RBPJ: variants seen among roughly 807,000 people sequenced by gnomAD.
RBPJ encodes recombination signal binding protein for immunoglobulin kappa J region.
A neutral mutation model predicts 67.8 loss-of-function variants in RBPJ; 9 were observed. The observed-to-expected ratio is 0.13, with a 90% CI of 0.08 to 0.23. The LOEUF (loss-of-function observed/expected upper bound fraction) is 0.23. Ranked by LOEUF, RBPJ falls within the 10% of genes least tolerant of loss-of-function variation. The probability of loss-of-function intolerance (pLI) is 1.00; values close to 1 mark genes in which losing one functional copy is unlikely to be tolerated. For missense variants in RBPJ, 305 were observed against 595.6 expected (o/e 0.51, Z 5.08); for synonymous variants, 198 against 203.3 (o/e 0.97, Z 0.22).
chr4:26,205,511 G>A (rs1718138653), intron 1 of RBPJ, among the ~76,000 whole-genome samples: 1 of 152,190 alleles, frequency 6.6e-6, no homozygotes, highest in Non-Finnish European at 1.5e-5. Context: ...GGCATGGCAT[G>A]AGCCTGTAAT....
chr4:26,239,259 C>G (rs1440626535), intron 1 of RBPJ, among the ~76,000 whole-genome samples: 1 of 152,152 alleles, frequency 6.6e-6, no homozygotes, highest in Non-Finnish European at 1.5e-5. Flanking sequence ...TTCATATTTT[C>G]CAGATCACTC....
chr4:26,203,192 C>A (rs1718049896), intron 1 of RBPJ, among the ~76,000 whole-genome samples: 1 of 152,114 alleles, frequency 6.6e-6, no homozygotes, highest in Non-Finnish European at 1.5e-5. Flanking sequence ...CATTTTAAAT[C>A]AAAAATCAAA....
At chr4:26,208,154 G>C (rs1718236443) in intron 1 of RBPJ, among the ~76,000 whole-genome samples, 1 of 152,190 alleles carries the variant, frequency 6.6e-6, no homozygotes, top group Non-Finnish European at 1.5e-5. Flanking sequence ...TACGTGCTTG[G>C]TGCTACTCTA....
chr4:26,380,341 T>C (rs1185383136), intron 1 of RBPJ, among the ~76,000 whole-genome samples: 1 of 152,202 alleles, frequency 6.6e-6, no homozygotes, highest in Non-Finnish European at 1.5e-5. Context: ...AGGAGATAGA[T>C]TTGTGTGTCT....
chr4:26,263,876 T>TG lies in RBPJ; in HGVS notation c.-166-98570_-166-98569insG, dbSNP rs201695485. 3.9e-3 allele frequency among the ~76,000 whole-genome samples: 582 copies of TG among 149,620 alleles called. 7 individuals carry two copies. The highest frequency in any genetic ancestry group is 0.014 in the African/African-American group (559 of 39,676). Reference sequence around the variant, plus strand: ...TGAGCCACAGCACCCAGTCTTTTTTTTTTTTGTTTTTGTTTTGAGATAGAG... The same window carrying TG: ...TGAGCCACAGCACCCAGTCTTTTTTTGTTTTTGTTTTTGTTTTGAGATAGAG... On this transcript the variant is annotated intron_variant, in intron 1 of 4. Transcript: ENST00000512351.
intron 1 of RBPJ, among the ~76,000 whole-genome samples, chr4:26,167,654 G>A (rs12641992): frequency 0.52 from 65,836 of 127,038 alleles, 17,209 homozygotes; most frequent in East Asian, 0.63. Context: ...CAATCATGTC[G>A]TCTGCAAACA....
intron 2 of RBPJ, among the ~76,000 whole-genome samples, chr4:26,399,879 A>G (rs559957676): frequency 1.3e-5 from 2 of 152,066 alleles, no homozygotes; most frequent in Admixed American, 1.3e-4. Context: ...GGGTTTCACT[A>G]TGTTGGCCAG....
intron 7 of RBPJ, among the ~76,000 whole-genome samples, chr4:26,426,298 C>T (rs1206167459): frequency 6.6e-6 from 1 of 152,158 alleles, no homozygotes; most frequent in African/African-American, 2.4e-5. Flanking sequence ...GTTTATAATA[C>T]AAACCACTTA....
At chr4:26,114,705 A>T in the RBPJ span, among the ~76,000 whole-genome samples, 2 of 152,020 alleles carry the variant, frequency 1.3e-5, no homozygotes, top group African/African-American at 4.8e-5. Context: ...TGATATAATT[A>T]TATGTGTGTA....
rs1318976406 is a variant in RBPJ, at chr4:26,410,148, A to G, written c.155+3878A>G. The G allele has an allele frequency of 7.3e-6, 3 of 409,170 alleles. No individual in the cohort carries two copies. In the East Asian group the frequency reaches 2.3e-4, roughly 31 times the overall value. The allele number at this position is 409,170 out of a possible 1,614,324, so 25.3% of individuals were successfully genotyped here. On this transcript the variant is annotated intron_variant, in intron 3 of 10. Coordinates refer to ENST00000355476, the MANE Select transcript of RBPJ (RefSeq NM_015874.6). ...GGGCTCTTACTTGGTGGTGGAGTGC[A>G]CAGTGGGAAGAGGATCTGTCTTCTT...
chr4:26,182,322 A>G (rs1412428604), intron 1 of RBPJ, among the ~76,000 whole-genome samples: 1 of 152,100 alleles, frequency 6.6e-6, no homozygotes, highest in Non-Finnish European at 1.5e-5. Flanking sequence ...AGCCTGGGCA[A>G]AAGAGCAAGA....
At chr4:26,166,990 T>C (rs1716337523) in intron 1 of RBPJ, among the ~76,000 whole-genome samples, 2 of 152,238 alleles carry the variant, frequency 1.3e-5, no homozygotes, top group African/African-American at 4.8e-5. Context: ...CCCCATTGCT[T>C]GTTTTTCTCA....
the RBPJ span, among the ~76,000 whole-genome samples, chr4:26,144,487 C>T: frequency 6.6e-6 from 1 of 152,008 alleles, no homozygotes; most frequent in Non-Finnish European, 1.5e-5. Context: ...CCAGGCTGGT[C>T]TCAAACCCCT....
rs116610945 is a variant in RBPJ at position 26,203,145 on chromosome 4, C to A, written c.-167+39531C>A. The stretch of plus-strand genomic sequence containing the variant: ...CTATCTGTTTGAGGTCCAGTCTTAT[C>A]CCCTTAGTCTAGTCTTTACATAGTA... On this transcript the variant is annotated intron_variant, in intron 1 of 4. Coordinates refer to the RBPJ transcript ENST00000512351. Among the ~76,000 whole-genome samples, 1,522 of 152,270 alleles carry A rather than the reference C, an allele frequency of 1.0e-2. 18 individuals carry two copies. The highest frequency in any genetic ancestry group is 0.032 in the African/African-American group (1,333 of 41,546).
At chr4:26,276,699 T>C (rs1721098940) in intron 1 of RBPJ, among the ~76,000 whole-genome samples, 1 of 151,964 alleles carries the variant, frequency 6.6e-6, no homozygotes, top group Non-Finnish European at 1.5e-5. Context: ...AGAAAAAAAA[T>C]CCTTCTCTTT....
chr4:26,210,917 T>A (rs952148563), intron 1 of RBPJ, among the ~76,000 whole-genome samples: 2 of 151,778 alleles, frequency 1.3e-5, no homozygotes, highest in Non-Finnish European at 2.9e-5. Context: ...TACTAGGCAT[T>A]CTCCACTTGG....
upstream of RBPJ, among the ~76,000 whole-genome samples, chr4:26,316,792 A>C (rs1056522385): frequency 7.2e-6 from 1 of 138,990 alleles, no homozygotes; most frequent in African/African-American, 2.7e-5. Flanking sequence ...GGAAACTCTT[A>C]AGTGCAGCCT....
At chr4:26,238,553 G>A (rs1351295640) in intron 1 of RBPJ, among the ~76,000 whole-genome samples, 2 of 152,216 alleles carry the variant, frequency 1.3e-5, no homozygotes, top group East Asian at 1.9e-4. Context: ...TGTGGCCAAA[G>A]GTCACAGAGC....
At chr4:26,172,677 A>G (rs1369962111) in intron 1 of RBPJ, among the ~76,000 whole-genome samples, 1 of 152,224 alleles carries the variant, frequency 6.6e-6, no homozygotes, top group East Asian at 1.9e-4. Flanking sequence ...TGCTGTGAAG[A>G]CAAACTGGAC....
Sources: gnomAD v4.1 joint callset for allele counts (sites outside exome capture counted in the v4.1 genomes callset) on GRCh38, gnomAD v4.1.1 for gene constraint, MANE v1.5 for transcripts, NCBI Gene and HGNC (gene_info 2026-07-23, HGNC 2026-07-21) for gene names.